ATP6V1E1: variants seen among roughly 807,000 people sequenced by gnomAD.
The protein encoded by ATP6V1E1 is ATPase H+ transporting V1 subunit E1.
In ATP6V1E1, 21 loss-of-function variants were observed where a neutral mutation model predicts 35.2. The observed-to-expected ratio is 0.60, with a 90% CI of 0.42 to 0.86. The LOEUF (loss-of-function observed/expected upper bound fraction) is 0.86. Ranked by LOEUF, ATP6V1E1 falls within the 40% of genes least tolerant of loss-of-function variation. The pLI, the probability that ATP6V1E1 is intolerant of heterozygous loss-of-function variation, is 0.00. For missense variants in ATP6V1E1, 183 were observed against 272.6 expected (o/e 0.67, Z 2.32); for synonymous variants, 83 against 87.8 (o/e 0.95, Z 0.30).
At chr22:17,626,032 C>T (rs1294441648) in intron 1 of ATP6V1E1, among the ~76,000 whole-genome samples, 3 of 151,974 alleles carry the variant, frequency 2.0e-5, no homozygotes, top group Admixed American at 6.6e-5. Flanking sequence ...CCTGGCCAGG[C>T]GCGGTAGCTC....
intron 7 of ATP6V1E1, 177 bp downstream of exon 7, chr22:17,598,017 A>G: frequency 1.7e-6 from 1 of 586,552 alleles, no homozygotes; most frequent in African/African-American, 1.9e-5. Flanking sequence ...CCAACAAGGG[A>G]GAGCAAGAGA....
chr22:17,597,691 C>T lies in ATP6V1E1; in HGVS notation c.530+503G>A, dbSNP rs150026560. Among the ~76,000 whole-genome samples the T allele has an allele frequency of 2.2e-3, 330 of 151,962 alleles. 6 individuals are homozygous for T. The highest frequency in any genetic ancestry group is 7.5e-3 in the African/African-American group (310 of 41,328). On this transcript the variant is annotated intron_variant, in intron 7 of 8. Transcript: ENST00000253413. ...CGCCATACTGGAGTCCAGTGAGTGG[C>T]GTGTTCTTGGCTCGCTACAACCTCC...
At chr22:17,626,431 G>A (rs2057906105) in intron 1 of ATP6V1E1, among the ~76,000 whole-genome samples, 1 of 151,916 alleles carries the variant, frequency 6.6e-6, no homozygotes, top group African/African-American at 2.4e-5. Flanking sequence ...ATGGAGCACA[G>A]TGGCATGATC....
At chr22:17,628,499 G>A in intron 1 of ATP6V1E1, 104 bp downstream of exon 1, 1 of 1,490,816 alleles carries the variant, frequency 6.7e-7, no homozygotes, top group Admixed American at 1.7e-5. Context: ...GGACCTTCCT[G>A]CGGCATCTGG....
chr22:17,628,733 G>T lies in ATP6V1E1; in HGVS notation c.-98C>A. 1.3e-6 allele frequency: 2 copies of T among 1,540,828 alleles called. No individual in the cohort carries two copies. Among genetic ancestry groups the T allele is most frequent in the South Asian group, 2.2e-5 (2 of 89,600 alleles). On this transcript the variant is annotated 5_prime_UTR_variant, in exon 1 of 9. Coordinates refer to ENST00000253413, the MANE Select transcript of ATP6V1E1 (RefSeq NM_001696.4). Reference sequence around the variant, plus strand: ...CAAAGGGAACCCCTGCGCAGATCTCGGGTTCCTTTACTTTATAACCGCGGG... The same window carrying T: ...CAAAGGGAACCCCTGCGCAGATCTCTGGTTCCTTTACTTTATAACCGCGGG...
intron 2 of ATP6V1E1, among the ~76,000 whole-genome samples, chr22:17,613,660 C>T (rs1203711393): frequency 6.6e-6 from 1 of 151,694 alleles, no homozygotes; most frequent in Admixed American, 6.7e-5. Context: ...AAATATGACA[C>T]AGAACTTGAA....
At chr22:17,624,677 C>T (rs539675476) in intron 1 of ATP6V1E1, among the ~76,000 whole-genome samples, 9 of 151,886 alleles carry the variant, frequency 5.9e-5, no homozygotes, top group African/African-American at 1.4e-4. Context: ...AAAAATTATC[C>T]GGGTGTGGTG....
chr22:17,621,589 T>C (rs540550879), intron 1 of ATP6V1E1, among the ~76,000 whole-genome samples: 5 of 152,280 alleles, frequency 3.3e-5, no homozygotes, highest in South Asian at 4.1e-4. Flanking sequence ...GTCACCGTAC[T>C]CAGCCCACTG....
rs1209458889 is a variant in ATP6V1E1, at chr22:17,601,160, G to A, written c.298C>T (p.Gln100Ter). The A allele has an allele frequency of 1.2e-6, 2 of 1,613,500 alleles. No individual in the cohort carries two copies. The highest frequency in any genetic ancestry group is 1.7e-6 in the Non-Finnish European group (2 of 1,179,696). Residue 100 changes from glutamine to a stop codon, truncating the protein, a stop_gained, in exon 5 of 9, where the codon CAG becomes TAG. Transcript: ENST00000253413. LOFTEE classifies it high-confidence loss of function. ...TCTTTTACCACCTTGCTGAGTCTCTGTTTTGCTTCATTTAGTAGGTCCTAC... is the reference window on the plus strand; with the variant it reads ...TCTTTTACCACCTTGCTGAGTCTCTATTTTGCTTCATTTAGTAGGTCCTAC... ...LITDLLNEAK[Q>*]RLSKVVKDTT...
At chr22:17,596,815 C>T (rs1327883968) in intron 7 of ATP6V1E1, among the ~76,000 whole-genome samples, 1 of 151,550 alleles carries the variant, frequency 6.6e-6, no homozygotes, top group Non-Finnish European at 1.5e-5. Context: ...CTGCATGAAA[C>T]AAAAAAGCAA....
At chr22:17,602,021 C>CA (rs1294245233) in intron 4 of ATP6V1E1, among the ~76,000 whole-genome samples, 1 of 152,182 alleles carries the variant, frequency 6.6e-6, no homozygotes, top group Non-Finnish European at 1.5e-5. Flanking sequence ...CTTCCCGCTT[C>CA]AACCTCCTCA....
intron 4 of ATP6V1E1, 126 bp downstream of exon 4, chr22:17,612,686 T>C (rs1337391453): frequency 1.6e-5 from 13 of 822,178 alleles, no homozygotes; most frequent in Non-Finnish European, 2.4e-5. Flanking sequence ...TTTATTATAA[T>C]AATTGGAATG....
At chr22:17,604,108 T>C (rs899086729) in intron 4 of ATP6V1E1, among the ~76,000 whole-genome samples, 1 of 152,218 alleles carries the variant, frequency 6.6e-6, no homozygotes, top group Non-Finnish European at 1.5e-5. Flanking sequence ...ACATAAACTG[T>C]GTTATCCCTT....
At chr22:17,609,464 C>CTTT (rs61116267) in intron 4 of ATP6V1E1, among the ~76,000 whole-genome samples, 26 of 90,716 alleles carry the variant, frequency 2.9e-4, no homozygotes, top group African/African-American at 8.5e-4. Context: ...CCATCCTGCT[C>CTTT]TTTTTTTTTT....
chr22:17,596,611 C>T (rs372751213), intron 7 of ATP6V1E1, among the ~76,000 whole-genome samples: 28 of 152,052 alleles, frequency 1.8e-4, no homozygotes, highest in African/African-American at 1.9e-4. Context: ...TACCCAGCCT[C>T]GGGTATTCTG....
chr22:17,613,958 C>A (rs2057828975), intron 2 of ATP6V1E1, among the ~76,000 whole-genome samples: 1 of 149,872 alleles, frequency 6.7e-6, no homozygotes, highest in Admixed American at 6.6e-5. Context: ...CAGAGCAGAA[C>A]TCTGTCTCAA....
At chr22:17,598,323 G>T in intron 6 of ATP6V1E1, 35 bp from the exon 7 acceptor site, 1 of 1,517,788 alleles carries the variant, frequency 6.6e-7, no homozygotes, top group Non-Finnish European at 9.1e-7. Flanking sequence ...GGTGTCACTA[G>T]GAACTATGAA....
At chr22:17,616,288 T>C (rs1416762178) in intron 2 of ATP6V1E1, among the ~76,000 whole-genome samples, 2 of 152,022 alleles carry the variant, frequency 1.3e-5, no homozygotes, top group Non-Finnish European at 2.9e-5. Flanking sequence ...GTGGGGGTTG[T>C]GGTGAGCCGA....
At chr22:17,617,402 T>G (rs1437033748) in intron 2 of ATP6V1E1, among the ~76,000 whole-genome samples, 1 of 152,130 alleles carries the variant, frequency 6.6e-6, no homozygotes, top group African/African-American at 2.4e-5. Flanking sequence ...CAAGTGATTC[T>G]CCTGCCTCAG....
Sources: gnomAD v4.1 joint callset for allele counts (sites outside exome capture counted in the v4.1 genomes callset) on GRCh38, gnomAD v4.1.1 for gene constraint, MANE v1.5 for transcripts, NCBI Gene and HGNC (gene_info 2026-07-23, HGNC 2026-07-21) for gene names.